Variants in PATJ observed in about 807,000 individuals in gnomAD.
PATJ encodes PATJ crumbs cell polarity complex component.
PATJ carries 190 observed loss-of-function variants against 224.9 expected under a neutral mutation model. That is an observed-to-expected ratio of 0.84 (90% CI 0.75 to 0.95). The LOEUF (loss-of-function observed/expected upper bound fraction) is 0.95, where lower values mean the gene tolerates loss of function less well. PATJ is among the 40% of genes least tolerant of loss of function. The probability of loss-of-function intolerance (pLI) is 0.00; values close to 1 mark genes in which losing one functional copy is unlikely to be tolerated. For synonymous variants in PATJ, 769 were observed against 820.3 expected (o/e 0.94, Z 1.07); for missense variants, 2,121 against 2,270.3 (o/e 0.93, Z 1.34).
chr1:61,847,476 A>G (rs1449471836), intron 17 of PATJ, among the ~76,000 whole-genome samples: 2 of 152,212 alleles, frequency 1.3e-5, no homozygotes, highest in Non-Finnish European at 2.9e-5. Flanking sequence ...AGGAAGTAAT[A>G]AGACACAAGG....
chr1:62,040,501 T>C (rs1651278785), intron 30 of PATJ, among the ~76,000 whole-genome samples: 1 of 152,122 alleles, frequency 6.6e-6, no homozygotes, highest in South Asian at 2.1e-4. Context: ...GAGTACTTGG[T>C]TACACTTGGG....
chr1:61,857,352 T>G (rs866120668), intron 18 of PATJ, among the ~76,000 whole-genome samples: 15 of 152,214 alleles, frequency 9.9e-5, no homozygotes, highest in Non-Finnish European at 1.9e-4. Context: ...TTTGTTACCC[T>G]CATTACAGAT....
intron 17 of PATJ, among the ~76,000 whole-genome samples, chr1:61,844,296 A>G (rs1346860016): frequency 6.6e-6 from 1 of 152,186 alleles, no homozygotes; most frequent in Non-Finnish European, 1.5e-5. Context: ...TCCTGATTTC[A>G]TGTTTTTATT....
chr1:61,884,158 G>A, intron 21 of PATJ, 79 bp from the exon 22 acceptor site: 7 of 1,021,388 alleles, frequency 6.9e-6, no homozygotes, highest in Non-Finnish European at 9.8e-6. Flanking sequence ...CCCATAGTAG[G>A]TGCCCATACC....
chr1:61,937,196 T>G (rs1428822366), intron 27 of PATJ, among the ~76,000 whole-genome samples: 1 of 152,114 alleles, frequency 6.6e-6, no homozygotes, highest in Non-Finnish European at 1.5e-5. Flanking sequence ...GAAGCCCATT[T>G]AAGAATTCAA....
At chr1:61,944,783 C>T (rs572708178) in intron 27 of PATJ, among the ~76,000 whole-genome samples, 1 of 152,224 alleles carries the variant, frequency 6.6e-6, no homozygotes, top group East Asian at 1.9e-4. Context: ...GTCAGATTCA[C>T]CGAAGTTGAA....
intron 33 of PATJ, among the ~76,000 whole-genome samples, chr1:62,087,948 A>G (rs1660228103): frequency 6.6e-6 from 1 of 150,984 alleles, no homozygotes; most frequent in African/African-American, 2.4e-5. Flanking sequence ...CTGAAGTGAA[A>G]TGGTGCAATC....
intron 32 of PATJ, among the ~76,000 whole-genome samples, chr1:62,083,510 A>AT (rs1358745899): frequency 6.6e-6 from 1 of 152,188 alleles, no homozygotes; most frequent in Admixed American, 6.5e-5. Context: ...GTTAGTAAAC[A>AT]TTTTTTCTTA....
At chr1:61,890,597 A>C (rs942553550) in intron 22 of PATJ, among the ~76,000 whole-genome samples, 25 of 152,030 alleles carry the variant, frequency 1.6e-4, no homozygotes, top group African/African-American at 6.0e-4. Context: ...CCCAGGTTCA[A>C]GCAATCCTCC....
At chr1:61,922,253 C>T (rs752648989) in intron 26 of PATJ, among the ~76,000 whole-genome samples, 1 of 151,980 alleles carries the variant, frequency 6.6e-6, no homozygotes, top group Non-Finnish European at 1.5e-5. Flanking sequence ...CCATGTTGGC[C>T]AGGCTGGTCT....
chr1:61,988,822 T>TC (rs1467326593), intron 27 of PATJ, among the ~76,000 whole-genome samples: 7 of 152,322 alleles, frequency 4.6e-5, no homozygotes, highest in African/African-American at 1.4e-4. Context: ...GCTGTCTTCT[T>TC]CCCCACTCTA....
chr1:61,951,109 C>T (rs963182475), intron 27 of PATJ, among the ~76,000 whole-genome samples: 2 of 151,494 alleles, frequency 1.3e-5, no homozygotes, highest in African/African-American at 4.9e-5. Context: ...CGCGCCTCTG[C>T]ACTTCAGCCT....
At chr1:61,767,962 C>T (rs919847286) in intron 4 of PATJ, among the ~76,000 whole-genome samples, 2 of 151,798 alleles carry the variant, frequency 1.3e-5, no homozygotes, top group Non-Finnish European at 1.5e-5. Flanking sequence ...TGAGCCATTG[C>T]GCCGGGCCAG....
chr1:61,749,738 G>C (rs1645221920), intron 1 of PATJ, among the ~76,000 whole-genome samples: 1 of 151,910 alleles, frequency 6.6e-6, no homozygotes, highest in South Asian at 2.1e-4. Context: ...GAGTGCAGTG[G>C]TGTGATCATG....
At chr1:61,899,794 G>T in intron 23 of PATJ, 140 bp downstream of exon 23, 3 of 540,188 alleles carry the variant, frequency 5.6e-6, no homozygotes, top group Non-Finnish European at 6.4e-6. Flanking sequence ...CCTACGTTTT[G>T]GTTTCATTTT....
chr1:62,078,441 C>A (rs1310865319), intron 31 of PATJ, among the ~76,000 whole-genome samples: 1 of 152,086 alleles, frequency 6.6e-6, no homozygotes, highest in African/African-American at 2.4e-5. Flanking sequence ...CATCACCACG[C>A]CTGGCTAATT....
chr1:62,097,866 T>G (rs1661582062), intron 33 of PATJ, among the ~76,000 whole-genome samples: 1 of 152,200 alleles, frequency 6.6e-6, no homozygotes, highest in African/African-American at 2.4e-5. Flanking sequence ...GTCTTATTCT[T>G]AGGTAGGACC....
chr1:61,817,861 T>C (rs1003363082), intron 14 of PATJ, among the ~76,000 whole-genome samples: 1 of 152,182 alleles, frequency 6.6e-6, no homozygotes, highest in African/African-American at 2.4e-5. Flanking sequence ...GTAAATTTAG[T>C]AACTCCCTAA....
At chr1:61,907,277 C>T (rs1671987403) in intron 24 of PATJ, among the ~76,000 whole-genome samples, 1 of 152,212 alleles carries the variant, frequency 6.6e-6, no homozygotes, top group South Asian at 2.1e-4. Context: ...CCTTATGCCT[C>T]TTTCCTTAGT....
Sources: allele counts gnomAD v4.1 joint callset (sites outside exome capture counted in the v4.1 genomes callset), GRCh38; gene constraint gnomAD v4.1.1; transcripts MANE v1.5; gene names NCBI Gene and HGNC (gene_info 2026-07-23, HGNC 2026-07-21).